Variants in AMER2 observed in about 807,000 individuals in gnomAD.
The protein encoded by AMER2 is family with sequence similarity 123A.
In AMER2, 1 loss-of-function variant was observed where a neutral mutation model predicts 4.7. That is an observed-to-expected ratio of 0.21 (90% CI 0.07 to 1.00). The LOEUF (loss-of-function observed/expected upper bound fraction) is 1.00. Ranked by LOEUF, AMER2 falls within the 50% of genes least tolerant of loss-of-function variation. The pLI is 0.60. For synonymous variants in AMER2, 485 were observed against 433.3 expected (o/e 1.12, Z -1.48); for missense variants, 988 against 966.9 (o/e 1.02, Z -0.29).
chr13:25,170,673 G>T lies in AMER2; in HGVS notation c.947C>A (p.Ala316Glu). 1 of 1,544,440 alleles carries T rather than the reference G, an allele frequency of 6.5e-7. No homozygotes were observed. Among genetic ancestry groups the T allele is most frequent in the Non-Finnish European group, 8.7e-7 (1 of 1,145,212 alleles). Residue 316 changes from alanine (A) to glutamate (E), a missense_variant, in exon 1 of 1, where the codon GCA becomes GAA. Coordinates refer to ENST00000515384, the MANE Select transcript of AMER2 (RefSeq NM_152704.4). The surrounding 1 kb of genome is among the most constrained non-coding windows in gnomAD (Gnocchi z 7.3). ...AEPGPGEVRT[A>E]EDASRTGAVP... ...GGCCCCCGTCCTGGAAGCGTCCTCTGCCGTGCGGACCTCCCCGGGCCCCGG... is the reference window on the plus strand; with the variant it reads ...GGCCCCCGTCCTGGAAGCGTCCTCTTCCGTGCGGACCTCCCCGGGCCCCGG...
rs775592445 is a variant in AMER2, at chr13:25,170,165, C to T, written c.1455G>A (p.Ala485=). The T allele has an allele frequency of 4.5e-5, 73 of 1,613,646 alleles. No individual in the cohort carries two copies. Among genetic ancestry groups the T allele is most frequent in the Non-Finnish European group, 6.0e-5 (71 of 1,179,902 alleles). ...DTRCVEAAKD[A]SSVKRRRLNR... ...TGAGCCTCCTGCGCTTGACCGAGGA[C>T]GCGTCCTTGGCCGCTTCCACACACC... The change falls in exon 1 of 1, where the codon GCG becomes GCA. Residue 485 remains alanine (A), a synonymous_variant. Transcript: ENST00000515384. The surrounding 1 kb of genome is among the most constrained non-coding windows in gnomAD (Gnocchi z 7.3).
At position 25,164,564 on chromosome 13, in the gene AMER2, A is replaced by G. The variant is rs550204302; in HGVS notation, c.*5040T>C. 6.7e-6 allele frequency: 1 copy of G among 149,798 alleles called. No homozygotes were observed. The highest frequency in any genetic ancestry group is 2.5e-5 in the African/African-American group (1 of 40,322). 9.3% of individuals were successfully genotyped at this position (149,798 alleles called of 1,614,324 possible). ...ACTAAAGAGTTTATATCCCTGTCCT[A>G]GAGACTAGGGGAAAAGAGAGAGAGA... On this transcript the variant is annotated 3_prime_UTR_variant, in exon 1 of 1. Coordinates refer to ENST00000515384, the MANE Select transcript of AMER2 (RefSeq NM_152704.4).
In AMER2 at chr13:25,171,890, A is replaced by G. The variant is rs1489515812; in HGVS notation, c.-271T>C. The G allele has an allele frequency of 2.0e-6, 1 of 504,920 alleles. No homozygotes were observed. The highest frequency in any genetic ancestry group is 3.1e-6 in the Non-Finnish European group (1 of 320,586). The allele number at this position is 504,920 out of a possible 1,614,324, so 31.3% of individuals were successfully genotyped here. ...AATTCGAGTCGTAATTATGGAATTC[A>G]AATTCCCTCAACTCTCACCCACCTT... On this transcript the variant is annotated 5_prime_UTR_variant, in exon 1 of 1. Transcript: ENST00000515384. The surrounding 1 kb of genome is among the most constrained non-coding windows in gnomAD (Gnocchi z 5.9).
chr13:25,163,443 GT>G lies in AMER2; in HGVS notation c.*6160del. 1.3e-5 allele frequency: 2 copies of G among 152,266 alleles called. 1 individual carries two copies. Among genetic ancestry groups the G allele is most frequent in the South Asian group, 4.1e-4 (2 of 4,824 alleles). The allele number at this position is 152,266 out of a possible 1,614,324, so 9.4% of individuals were successfully genotyped here. ...AGATGTGGAAATAATCTAAACGTCT[GT>G]CAGTAGATGAAAGGGTTTTTAAAAA... On this transcript the variant is annotated 3_prime_UTR_variant, in exon 1 of 1. Transcript: ENST00000515384.
In AMER2 at chr13:25,171,248, G is replaced by C; in HGVS notation, c.372C>G (p.Arg124=). ...CGCCCCCGCCGCTGTCGCCCCCGCC[G>C]CGCGGCTCCTCCTTCCTGCCGCTCT... ...VLESGRKEEP[R]GGGDSGGGGG... The change falls in exon 1 of 1, where the codon CGC becomes CGG. Residue 124 remains arginine (R), a synonymous_variant. Coordinates refer to ENST00000515384, the MANE Select transcript of AMER2 (RefSeq NM_152704.4). This position sits in a 1 kb window ranked among gnomAD's most constrained non-coding sequence, Gnocchi z 5.9. 7.1e-7 allele frequency: 1 copy of C among 1,410,928 alleles called. No homozygotes were observed. Among genetic ancestry groups the C allele is most frequent in the Non-Finnish European group, 9.2e-7 (1 of 1,083,316 alleles). 87.4% of individuals were successfully genotyped at this position (1,410,928 alleles called of 1,614,324 possible).
chr13:25,164,104 C>CA lies in AMER2; in HGVS notation c.*5499dup, dbSNP rs11286133. The CA allele has an allele frequency of 0.034, 2,104 of 61,102 alleles. 37 individuals are homozygous for CA. Among genetic ancestry groups the CA allele is most frequent in the African/African-American group, 0.059 (1,048 of 17,782 alleles). The allele number at this position is 61,102 out of a possible 1,614,324, so 3.8% of individuals were successfully genotyped here. A position where few individuals can be genotyped will look rare whatever the true frequency, so the allele number is the denominator to read the frequency against. On this transcript the variant is annotated 3_prime_UTR_variant, in exon 1 of 1. Transcript: ENST00000515384. Reference sequence around the variant, plus strand: ...TGGGTGACAGAGTAAGACTCCATCTCAAAAAAAAAAAAAAAAAAAATTAAA... The same window carrying CA: ...TGGGTGACAGAGTAAGACTCCATCTCAAAAAAAAAAAAAAAAAAAAATTAAA...
At position 25,170,791 on chromosome 13, in the gene AMER2, G is replaced by C; in HGVS notation, c.829C>G (p.Pro277Ala). Reference sequence around the variant, plus strand: ...TCTGCCTCTCGGCAGCTCCGCGCTGGGGCGCGGTCGGCGGGGGCGGGCACC... The same window carrying C: ...TCTGCCTCTCGGCAGCTCCGCGCTGCGGCGCGGTCGGCGGGGGCGGGCACC... ...EEVPAPADRAPARSCREAEGL... is the reference protein window; with the variant it reads ...EEVPAPADRAAARSCREAEGL... Residue 277 changes from proline to alanine, a missense_variant, in exon 1 of 1, where the codon CCA (proline) becomes GCA (alanine). Transcript: ENST00000515384. This position sits in a 1 kb window ranked among gnomAD's most constrained non-coding sequence, Gnocchi z 7.3. 1.5e-6 allele frequency: 2 copies of C among 1,364,920 alleles called. No individual in the cohort carries two copies. Among genetic ancestry groups the C allele is most frequent in the Admixed American group, 7.1e-5 (2 of 28,148 alleles). The allele number at this position is 1,364,920 out of a possible 1,614,324, so 84.6% of individuals were successfully genotyped here.
rs768589022 is a variant in AMER2 at position 25,170,995 on chromosome 13, G to T, written c.625C>A (p.Arg209=). 2 of 1,563,824 alleles carry T rather than the reference G, an allele frequency of 1.3e-6. No homozygotes were observed. Among genetic ancestry groups the T allele is most frequent in the South Asian group, 1.2e-5 (1 of 86,632 alleles). ...CCCTCCGCGGCCTCCGCCTTGGCCC[G>T]CTTGTCTTTCCTGTGCCAGCGCATG... ...SGMRWHRKDK[R]AKAEAAEGRA... Residue 209 remains arginine, a synonymous_variant, in exon 1 of 1, where the codon CGG becomes AGG. Coordinates refer to ENST00000515384, the MANE Select transcript of AMER2 (RefSeq NM_152704.4). The surrounding 1 kb of genome is among the most constrained non-coding windows in gnomAD (Gnocchi z 7.3).
In AMER2 at chr13:25,170,081, C is replaced by G. The variant is rs765950843; in HGVS notation, c.1539G>C (p.Gln513His). ...CGTCGCTGTTGGGGACGCCTTCCTG[C>G]TGCTCCTTCTCCGGGTGCTTGGGCT... ...KEEPKHPEKE[Q>H]QEGVPNSDEG... Residue 513 changes from glutamine to histidine, a missense_variant, in exon 1 of 1, where the codon CAG becomes CAC. Transcript: ENST00000515384. The surrounding 1 kb of genome is among the most constrained non-coding windows in gnomAD (Gnocchi z 7.3). The G allele has an allele frequency of 1.2e-6, 2 of 1,614,084 alleles. No homozygotes were observed. Among genetic ancestry groups the G allele is most frequent in the Non-Finnish European group, 1.7e-6 (2 of 1,180,022 alleles).
In AMER2 at chr13:25,171,998, C is replaced by T. The variant is rs1956592054; in HGVS notation, c.-379G>A. On this transcript the variant is annotated 5_prime_UTR_variant, in exon 1 of 1. Coordinates refer to ENST00000515384, the MANE Select transcript of AMER2 (RefSeq NM_152704.4). The surrounding 1 kb of genome is among the most constrained non-coding windows in gnomAD (Gnocchi z 5.9). ...CTCTAAAAACGACAACGCAATTCAA[C>T]CCACCACAAAATGCTTGTTTTTCTT... is the stretch of plus-strand genomic sequence containing the variant. 4.2e-6 allele frequency: 1 copy of T among 239,056 alleles called. No homozygotes were observed. Among genetic ancestry groups the T allele is most frequent in the Non-Finnish European group, 7.9e-6 (1 of 126,022 alleles). 14.8% of individuals were successfully genotyped at this position (239,056 alleles called of 1,614,324 possible).
chr13:25,163,285 A>T lies in AMER2; in HGVS notation c.*6319T>A, dbSNP rs529748045. ...TTCTCAAAAAATTAAAAATAATTCT[A>T]TGTTTAATTAGAATTACCATATGAA... On this transcript the variant is annotated 3_prime_UTR_variant, in exon 1 of 1. Coordinates refer to ENST00000515384, the MANE Select transcript of AMER2 (RefSeq NM_152704.4). 14 of 151,210 alleles carry T rather than the reference A, an allele frequency of 9.3e-5. No individual in the cohort carries two copies. Among genetic ancestry groups the T allele is most frequent in the African/African-American group, 2.9e-4 (12 of 41,028 alleles). The allele number at this position is 151,210 out of a possible 1,614,324, so 9.4% of individuals were successfully genotyped here.
chr13:25,171,093 C>T lies in AMER2; in HGVS notation c.527G>A (p.Gly176Asp), dbSNP rs763609862. 1.3e-6 allele frequency: 2 copies of T among 1,566,872 alleles called. No homozygotes were observed. Among genetic ancestry groups the T allele is most frequent in the Non-Finnish European group, 1.7e-6 (2 of 1,157,750 alleles). Residue 176 changes from glycine (G) to aspartate (D), a missense_variant, in exon 1 of 1, where the codon GGC becomes GAC. Gly to Asp is a moderately conservative substitution (Grantham distance 94). Coordinates refer to ENST00000515384, the MANE Select transcript of AMER2 (RefSeq NM_152704.4). This position sits in a 1 kb window ranked among gnomAD's most constrained non-coding sequence, Gnocchi z 5.9. ...GCTCGCGTCCACAGGCTCTCCCTTG[C>T]CGTTTTCCGAGCGCCCGTTCTTCTT... ...LLKKNGRSEN[G>D]KGEPVDASKA...
chr13:25,170,942 T>C lies in AMER2; in HGVS notation c.678A>G (p.Leu226=), dbSNP rs200018883. The C allele has an allele frequency of 1.0e-3, 1,583 of 1,517,834 alleles. 16 individuals carry two copies. The African/African-American group carries it at 0.02, about 19-fold the overall frequency. 94.0% of individuals were successfully genotyped at this position (1,517,834 alleles called of 1,614,324 possible). Residue 226 remains leucine (L), a synonymous_variant, in exon 1 of 1, where the codon CTA becomes CTG. Coordinates refer to ENST00000515384, the MANE Select transcript of AMER2 (RefSeq NM_152704.4). The surrounding 1 kb of genome is among the most constrained non-coding windows in gnomAD (Gnocchi z 7.3). ...CCAGGCTGGCGGTGAGCGAGCCGGG[T>C]AGGATCAAGCCGCCCCCGGGCGCGC... is the stretch of plus-strand genomic sequence containing the variant. ...EGRAPGGGLI[L]PGSLTASLEC...
Position 25,170,862 on chromosome 13 carries a change from T to C in AMER2, c.758A>G (p.Gln253Arg). The change falls in exon 1 of 1, where the codon CAG becomes CGG. Residue 253 changes from glutamine to arginine, a missense_variant. Transcript: ENST00000515384. The surrounding 1 kb of genome is among the most constrained non-coding windows in gnomAD (Gnocchi z 7.3). ...ACCTGCTGGGTCTCGCGGGGCGTCC[T>C]GGCTGGGCTCCTCCGGCTCGCGCGC... is the stretch of plus-strand genomic sequence containing the variant. ...RAAREPEEPS[Q>R]DAPRDPAGEP... 6.9e-7 allele frequency: 1 copy of C among 1,454,260 alleles called. No homozygotes were observed. Among genetic ancestry groups the C allele is most frequent in the Non-Finnish European group, 9.0e-7 (1 of 1,112,338 alleles). 90.1% of individuals were successfully genotyped at this position (1,454,260 alleles called of 1,614,324 possible).
rs1203169511 is a variant in AMER2, at chr13:25,169,992, G to A, written c.1628C>T (p.Ala543Val). The A allele has an allele frequency of 1.2e-6, 2 of 1,613,828 alleles. No individual in the cohort carries two copies. The highest frequency in any genetic ancestry group is 1.7e-6 in the Non-Finnish European group (2 of 1,179,896). The change falls in exon 1 of 1, where the codon GCG (alanine) becomes GTG (valine). Residue 543 changes from alanine (A) to valine (V), a missense_variant. Coordinates refer to ENST00000515384, the MANE Select transcript of AMER2 (RefSeq NM_152704.4). The surrounding 1 kb of genome is among the most constrained non-coding windows in gnomAD (Gnocchi z 4.2). ...EEDSSSSGKK[A>V]GIPRDSYSGD... ...GCTGTAGCTATCCCGGGGGATGCCCGCCTTCTTCCCGCTGCTCGAGCTGTC... is the reference window on the plus strand; with the variant it reads ...GCTGTAGCTATCCCGGGGGATGCCCACCTTCTTCCCGCTGCTCGAGCTGTC...
In AMER2 at chr13:25,162,062, G is replaced by T. The variant is rs1387873391; in HGVS notation, c.*7542C>A. 6.6e-6 allele frequency: 1 copy of T among 152,154 alleles called. No individual in the cohort carries two copies. The highest frequency in any genetic ancestry group is 1.5e-5 in the Non-Finnish European group (1 of 68,010). The allele number at this position is 152,154 out of a possible 1,614,324, so 9.4% of individuals were successfully genotyped here. On this transcript the variant is annotated 3_prime_UTR_variant, in exon 1 of 1. Transcript: ENST00000515384. ...TTAGTTCTAGGAGACAATTTTTGATGTTTTTCAGGGGTTTAACATTCTATT... is the reference window on the plus strand; with the variant it reads ...TTAGTTCTAGGAGACAATTTTTGATTTTTTTCAGGGGTTTAACATTCTATT...
chr13:25,169,865 C>G lies in AMER2; in HGVS notation c.1755G>C (p.Lys585Asn), dbSNP rs763940915. The G allele has an allele frequency of 1.2e-6, 2 of 1,614,130 alleles. No individual in the cohort carries two copies. Among genetic ancestry groups the G allele is most frequent in the South Asian group, 2.2e-5 (2 of 91,080 alleles). Residue 585 changes from lysine to asparagine, a missense_variant, in exon 1 of 1, where the codon AAG (lysine) becomes AAC (asparagine). Coordinates refer to ENST00000515384, the MANE Select transcript of AMER2 (RefSeq NM_152704.4). This position sits in a 1 kb window ranked among gnomAD's most constrained non-coding sequence, Gnocchi z 4.2. The stretch of plus-strand genomic sequence containing the variant: ...AGGTGATGGTGCCTGGAGATACGGG[C>G]TTTAACCGGGACAGGGAGGACGTCT... ...NEETSSLSRL[K>N]PVSPGTITCP...
chr13:25,170,603 G>C lies in AMER2; in HGVS notation c.1017C>G (p.Ser339Arg), dbSNP rs1566015899. ...TVPLVDSEGG[S>R]GRAPAAPDPA... Reference sequence around the variant, plus strand: ...GGTCTGGGGCGGCGGGCGCCCGGCCGCTGCCGCCTTCGGAGTCGACAAGGG... The same window carrying C: ...GGTCTGGGGCGGCGGGCGCCCGGCCCCTGCCGCCTTCGGAGTCGACAAGGG... The change falls in exon 1 of 1, where the codon AGC (serine) becomes AGG (arginine). Residue 339 changes from serine to arginine, a missense_variant. Transcript: ENST00000515384. The surrounding 1 kb of genome is among the most constrained non-coding windows in gnomAD (Gnocchi z 7.3). 1 of 1,585,132 alleles carries C rather than the reference G, an allele frequency of 6.3e-7. No individual in the cohort carries two copies. Among genetic ancestry groups the C allele is most frequent in the East Asian group, 2.3e-5 (1 of 43,882 alleles).
Position 25,170,983 on chromosome 13 carries a change from C to G in AMER2, c.637G>C (p.Glu213Gln). Residue 213 changes from glutamate (E) to glutamine (Q), a missense_variant, in exon 1 of 1, where the codon GAG (glutamate) becomes CAG (glutamine). Coordinates refer to ENST00000515384, the MANE Select transcript of AMER2 (RefSeq NM_152704.4). This position sits in a 1 kb window ranked among gnomAD's most constrained non-coding sequence, Gnocchi z 7.3. ...CCGGGCGCGCGCCCCTCCGCGGCCT[C>G]CGCCTTGGCCCGCTTGTCTTTCCTG... ...WHRKDKRAKA[E>Q]AAEGRAPGGG... The G allele has an allele frequency of 1.3e-6, 2 of 1,554,526 alleles. No individual in the cohort carries two copies. Among genetic ancestry groups the G allele is most frequent in the Non-Finnish European group, 1.7e-6 (2 of 1,151,980 alleles).
Sources: allele counts gnomAD v4.1 joint callset, GRCh38; gene constraint gnomAD v4.1.1; non-coding constraint Gnocchi (gnomAD v3.1); transcripts MANE v1.5; gene names NCBI Gene and HGNC (gene_info 2026-07-23, HGNC 2026-07-21).